SDCBP2: variants seen among roughly 807,000 people sequenced by gnomAD.
SDCBP2 encodes the protein syntenin-2.
In SDCBP2, 28 loss-of-function variants were observed where a neutral mutation model predicts 30.7. That is an observed-to-expected ratio of 0.91 (90% confidence interval 0.68 to 1.25). SDCBP2 has a LOEUF of 1.25. SDCBP2 is among the 50% of genes most tolerant of loss of function. The pLI, the probability that SDCBP2 is intolerant of heterozygous loss-of-function variation, is 0.00. For missense variants in SDCBP2, 399 were observed against 379.0 expected (o/e 1.05, Z -0.44); for synonymous variants, 166 against 157.3 (o/e 1.06, Z -0.41).
At chr20:1,318,785 G>A (rs922273284) in intron 3 of SDCBP2, among the ~76,000 whole-genome samples, 3 of 152,068 alleles carry the variant, frequency 2.0e-5, no homozygotes, top group Admixed American at 6.5e-5. Flanking sequence ...TCATGCATGC[G>A]CTCTCATGCT....
chr20:1,311,482 T>C (rs4814107), intron 7 of SDCBP2, among the ~76,000 whole-genome samples: 65,307 of 151,910 alleles, frequency 0.43, 14,183 homozygotes, highest in Middle Eastern at 0.63. Context: ...TGCCAGGTGG[T>C]CCAAACACTA....
Position 1,311,900 on chromosome 20 carries a change from C to CTTT in SDCBP2, c.732+434_732+436dup, listed in dbSNP as rs11471529. Among the ~76,000 whole-genome samples, 395 of 121,080 alleles carry CTTT rather than the reference C, an allele frequency of 3.3e-3. 38 individuals carry two copies. The highest frequency in any genetic ancestry group is 6.3e-3 in the Admixed American group (70 of 11,130). 79.4% of individuals were successfully genotyped at this position (121,080 alleles called of 152,430 possible). ...GTGCTCAGAGCTCTAGGTACACTGT[C>CTTT]TTTTTTTTTTTTTTTTGGAGACAGG... is the stretch of plus-strand genomic sequence containing the variant. On this transcript the variant is annotated intron_variant, in intron 7 of 8. Transcript: ENST00000360779.
chr20:1,315,113 C>T (rs1362911746), intron 4 of SDCBP2, among the ~76,000 whole-genome samples: 1 of 152,196 alleles, frequency 6.6e-6, no homozygotes, highest in Non-Finnish European at 1.5e-5. Flanking sequence ...TTATATATAG[C>T]TACAATAATC....
At chr20:1,312,278 C>T (rs1476002026) in intron 7 of SDCBP2, 59 bp downstream of exon 7, 2 of 1,559,592 alleles carry the variant, frequency 1.3e-6, no homozygotes, top group Middle Eastern at 1.7e-4. Flanking sequence ...GCAAGCTGCC[C>T]AAAGACCTGA....
chr20:1,310,551 CA>C (rs2088646565), intron 8 of SDCBP2, 56 bp from the exon 9 acceptor site: 1 of 1,539,090 alleles, frequency 6.5e-7, no homozygotes, highest in African/African-American at 1.4e-5. Context: ...CACCCTCCAG[CA>C]ACCTCCACCC....
At chr20:1,322,534 G>A (rs2088862743) in intron 1 of SDCBP2, 1 of 152,102 alleles carries the variant, frequency 6.6e-6, no homozygotes, top group Non-Finnish European at 1.5e-5. Flanking sequence ...ATGAAACAAG[G>A]ACCAGAAGTC....
rs1396772451 is a variant in SDCBP2 at position 1,324,540 on chromosome 20, C to T, written c.-19-4105G>A. Among the ~76,000 whole-genome samples the T allele has an allele frequency of 6.6e-6, 1 of 152,168 alleles. No homozygotes were observed. The highest frequency in any genetic ancestry group is 1.9e-4 in the East Asian group (1 of 5,180). ...TCCCGCACAACTTTCAGATATCCTGCCAAACTTTCAAGTAAGCCAAAAATC... is the reference window on the plus strand; with the variant it reads ...TCCCGCACAACTTTCAGATATCCTGTCAAACTTTCAAGTAAGCCAAAAATC... On this transcript the variant is annotated intron_variant, in intron 1 of 8. Coordinates refer to ENST00000360779, the MANE Select transcript of SDCBP2 (RefSeq NM_080489.5). The surrounding 1 kb of genome is among the most constrained non-coding windows in gnomAD (Gnocchi z 4.7).
rs1004335941 is a variant in SDCBP2 at position 1,324,726 on chromosome 20, C to A, written c.-19-4291G>T. On this transcript the variant is annotated intron_variant, in intron 1 of 8. Coordinates refer to ENST00000360779, the MANE Select transcript of SDCBP2 (RefSeq NM_080489.5). The surrounding 1 kb of genome is among the most constrained non-coding windows in gnomAD (Gnocchi z 4.7). ...CACCCTGCTCCCCACGGGTGAGTCA[C>A]CCGAACAGCATGCTCACGTCTGTGT... 6.6e-6 allele frequency among the ~76,000 whole-genome samples: 1 copy of A among 152,158 alleles called. No homozygotes were observed. Among genetic ancestry groups the A allele is most frequent in the Admixed American group, 6.5e-5 (1 of 15,280 alleles).
rs1039206165 is a variant in SDCBP2, at chr20:1,318,414, C to A, written c.129G>T (p.Leu43Phe). ...QATAISPPPVLYPNLAELENY... is the reference protein window; with the variant it reads ...QATAISPPPVFYPNLAELENY... ...TTTCCAGTTCTGCCAAGTTTGGGTA[C>A]AAAACTGATAGGGAAAGAAGGAAGA... The change falls in exon 4 of 9, where the codon TTG becomes TTT. Residue 43 changes from leucine (L) to phenylalanine (F), a missense_variant. Leu to Phe is a conservative substitution (Grantham distance 22, BLOSUM62 0). Coordinates refer to ENST00000360779, the MANE Select transcript of SDCBP2 (RefSeq NM_080489.5). 3.0e-5 allele frequency: 48 copies of A among 1,587,424 alleles called. No homozygotes were observed. Among genetic ancestry groups the A allele is most frequent in the Non-Finnish European group, 4.0e-5 (47 of 1,161,790 alleles).
Position 1,313,118 on chromosome 20 carries a change from C to A in SDCBP2, c.384+222G>T. ...GGTGGGGAAGGGAGGCTCCTCCGAG[C>A]GACGGAAGCCCACGGAGAGGCCAGT... On this transcript the variant is annotated intron_variant, in intron 5 of 8. Coordinates refer to ENST00000360779, the MANE Select transcript of SDCBP2 (RefSeq NM_080489.5). This position sits in a 1 kb window ranked among gnomAD's most constrained non-coding sequence, Gnocchi z 5.2. The A allele has an allele frequency of 3.3e-6, 2 of 603,658 alleles. No individual in the cohort carries two copies. The highest frequency in any genetic ancestry group is 2.0e-5 in the South Asian group (1 of 49,880). 37.4% of individuals were successfully genotyped at this position (603,658 alleles called of 1,614,324 possible). A position where few individuals can be genotyped will look rare whatever the true frequency, so the allele number is the denominator to read the frequency against.
Position 1,320,489 on chromosome 20 carries a change from AAGG to A in SDCBP2, c.-19-57_-19-55del. ...AAGGATGCAGCTGATGCCCCCTTGA[AAGG>A]AGGCACAGACATCCGCAACAGCAAG... On this transcript the variant is annotated intron_variant, in intron 1 of 8. Coordinates refer to ENST00000360779, the MANE Select transcript of SDCBP2 (RefSeq NM_080489.5). This position sits in a 1 kb window ranked among gnomAD's most constrained non-coding sequence, Gnocchi z 4.7. The A allele has an allele frequency of 7.2e-7, 1 of 1,397,700 alleles. No homozygotes were observed. The highest frequency in any genetic ancestry group is 1.2e-5 in the South Asian group (1 of 82,072). 86.6% of individuals were successfully genotyped at this position (1,397,700 alleles called of 1,614,324 possible). A position where few individuals can be genotyped will look rare whatever the true frequency, so the allele number is the denominator to read the frequency against.
rs1323393840 is a variant in SDCBP2, at chr20:1,310,823, C to T, written c.801G>A (p.Val267=). The change falls in exon 8 of 9, where the codon GTG becomes GTA. Residue 267 remains valine, a synonymous_variant. Coordinates refer to ENST00000360779, the MANE Select transcript of SDCBP2 (RefSeq NM_080489.5). ...NVVTLTIIPS[V]IYEHMVKKLP... is the part of the protein sequence containing the mutation. The stretch of plus-strand genomic sequence containing the variant: ...ACTTTTTGACCATGTGCTCGTAGAT[C>T]ACACTGGGGATGATGGTCAGGGTGA... 2 of 1,613,434 alleles carry T rather than the reference C, an allele frequency of 1.2e-6. No individual in the cohort carries two copies. The highest frequency in any genetic ancestry group is 1.7e-6 in the Non-Finnish European group (2 of 1,179,560).
chr20:1,311,171 G>A lies in SDCBP2; in HGVS notation c.733-280C>T. The A allele has an allele frequency of 5.3e-6, 2 of 380,530 alleles. 1 individual carries two copies. Among genetic ancestry groups the A allele is most frequent in the Non-Finnish European group, 9.5e-6 (2 of 209,710 alleles). 23.6% of individuals were successfully genotyped at this position (380,530 alleles called of 1,614,324 possible). ...CCCTCAGCTTGAAGGCCAGCGGTGT[G>A]AGCCTGACGCGTAACAGGGCCTCAT... is the stretch of plus-strand genomic sequence containing the variant. On this transcript the variant is annotated intron_variant, in intron 7 of 8. Coordinates refer to ENST00000360779, the MANE Select transcript of SDCBP2 (RefSeq NM_080489.5).
rs144969671 is a variant in SDCBP2 at position 1,319,258 on chromosome 20, T to G, written c.124+332A>C. Among the ~76,000 whole-genome samples, 75 of 152,292 alleles carry G rather than the reference T, an allele frequency of 4.9e-4. 1 individual carries two copies. Among genetic ancestry groups the G allele is most frequent in the African/African-American group, 1.6e-3 (66 of 41,556 alleles). ...ATATAGACAGAGGCCCCACAAATGA[T>G]ATCACATCCTCAAGGCAGCCTTGCT... On this transcript the variant is annotated intron_variant, in intron 3 of 8. Transcript: ENST00000360779.
intron 1 of SDCBP2, among the ~76,000 whole-genome samples, chr20:1,328,205 G>A (rs2088958359): frequency 6.6e-6 from 1 of 152,218 alleles, no homozygotes. Flanking sequence ...AGCTGGAGAA[G>A]TGAGAGGGGC....
At chr20:1,319,690 G>T in intron 2 of SDCBP2, 31 bp from the exon 3 acceptor site, 1 of 1,514,140 alleles carries the variant, frequency 6.6e-7, no homozygotes, top group Non-Finnish European at 8.9e-7. Flanking sequence ...CTGGTCAGCT[G>T]TGGCCAGGAC....
intron 1 of SDCBP2, among the ~76,000 whole-genome samples, chr20:1,328,392 A>C (rs1600290392): frequency 6.6e-6 from 1 of 152,104 alleles, no homozygotes; most frequent in South Asian, 2.1e-4. Context: ...GCAGGAGCCC[A>C]GGTGGGAAGT....
At chr20:1,319,390 C>T (rs2088822610) in intron 3 of SDCBP2, 200 bp downstream of exon 3, 2 of 603,304 alleles carry the variant, frequency 3.3e-6, no homozygotes, top group Admixed American at 5.2e-5. Flanking sequence ...TGGGCACAGG[C>T]TCTGGGAGGT....
rs1048621 is a variant in SDCBP2 at position 1,312,402 on chromosome 20, G to C, written c.667C>G (p.Arg223Gly). The C allele has an allele frequency of 6.2e-7, 1 of 1,612,972 alleles. No homozygotes were observed. The highest frequency in any genetic ancestry group is 2.2e-5 in the East Asian group (1 of 44,834). ...TAGTGGTTGGTGAGGAGCCCGTTGC[G>C]GGCCGCAGAACTCCCTTTGACCAGA... ...VSLVKGSSAARNGLLTNHYVC... is the reference protein window; with the variant it reads ...VSLVKGSSAAGNGLLTNHYVC... The change falls in exon 7 of 9, where the codon CGC becomes GGC. Residue 223 changes from arginine (R) to glycine (G), a missense_variant. Arg to Gly is a moderately radical substitution (Grantham distance 125, BLOSUM62 -2). Coordinates refer to ENST00000360779, the MANE Select transcript of SDCBP2 (RefSeq NM_080489.5).
Sources: allele counts gnomAD v4.1 joint callset (sites outside exome capture counted in the v4.1 genomes callset), GRCh38; gene constraint gnomAD v4.1.1; non-coding constraint Gnocchi (gnomAD v3.1); transcripts MANE v1.5; gene names NCBI Gene and HGNC (gene_info 2026-07-23, HGNC 2026-07-21).